Variants in LEF1 observed in about 807,000 individuals in gnomAD.
The protein encoded by LEF1 is lymphoid enhancer-binding factor 1.
A neutral mutation model predicts 51.2 loss-of-function variants in LEF1; 14 were observed. That is an observed-to-expected ratio of 0.27 (90% CI 0.18 to 0.43). The LOEUF (loss-of-function observed/expected upper bound fraction) is 0.43, where lower values mean the gene tolerates loss of function less well. Ranked by LOEUF, LEF1 falls within the 20% of genes least tolerant of loss-of-function variation. The pLI is 1.00. For synonymous variants in LEF1, 185 were observed against 183.2 expected, an observed-to-expected ratio of 1.01 and a Z score of -0.08; for missense variants, 386 against 512.0, an observed-to-expected ratio of 0.75 and a Z score of 2.37.
intron 3 of LEF1, among the ~76,000 whole-genome samples, chr4:108,138,104 G>T (rs1323957789): frequency 6.6e-6 from 1 of 152,186 alleles, no homozygotes; most frequent in African/African-American, 2.4e-5. Flanking sequence ...CAGAAATACA[G>T]GTTTAGATGA....
intron 9 of LEF1, chr4:108,070,324 T>G (rs1305050153): frequency 6.0e-6 from 1 of 167,010 alleles, no homozygotes; most frequent in Non-Finnish European, 1.3e-5. Flanking sequence ...ATAGAAAAAA[T>G]ATTAGAAAGT....
chr4:108,125,266 C>A (rs1177980393), intron 3 of LEF1, among the ~76,000 whole-genome samples: 1 of 152,156 alleles, frequency 6.6e-6, no homozygotes, highest in Non-Finnish European at 1.5e-5. Flanking sequence ...CAGGTTCAAG[C>A]AATTTTCCTG....
intron 1 of LEF1, chr4:108,166,527 G>A (rs1745404855): frequency 4.6e-6 from 6 of 1,310,646 alleles, no homozygotes; most frequent in Non-Finnish European, 5.8e-6. Context: ...CCAGTGGAGT[G>A]TCGGGTATCA....
chr4:108,114,613 T>C (rs979716436), intron 3 of LEF1, among the ~76,000 whole-genome samples: 2 of 152,108 alleles, frequency 1.3e-5, no homozygotes, highest in African/African-American at 4.8e-5. Context: ...GTGTGGTGCA[T>C]ATGAGCAGAC....
intron 3 of LEF1, among the ~76,000 whole-genome samples, chr4:108,161,478 A>C (rs1745050398): frequency 6.6e-6 from 1 of 152,212 alleles, no homozygotes; most frequent in Non-Finnish European, 1.5e-5. Context: ...AATCTTTCCT[A>C]AACAATGAAT....
intron 3 of LEF1, among the ~76,000 whole-genome samples, chr4:108,099,566 GTGTGTATATATATATATATATATA>G (rs1474595812): frequency 1.9e-4 from 14 of 72,872 alleles, no homozygotes; most frequent in Non-Finnish European, 2.3e-4. Context: ...ATGTGTGTGT[GTGTGTATATATATATATATATATA>G]TATATATATA....
intron 3 of LEF1, among the ~76,000 whole-genome samples, chr4:108,122,259 AGATC>A (rs1220257771): frequency 3.3e-5 from 5 of 152,138 alleles, no homozygotes; most frequent in African/African-American, 7.2e-5. Flanking sequence ...TTTCCTTTAT[AGATC>A]TTAAAGTTAC....
chr4:108,135,953 G>C (rs974785812), intron 3 of LEF1, among the ~76,000 whole-genome samples: 3 of 152,004 alleles, frequency 2.0e-5, no homozygotes, highest in African/African-American at 7.3e-5. Flanking sequence ...CTTCTTCCTT[G>C]CCCATACATG....
intron 3 of LEF1, among the ~76,000 whole-genome samples, chr4:108,128,776 A>G (rs1742696518): frequency 6.6e-6 from 1 of 152,218 alleles, no homozygotes; most frequent in Admixed American, 6.5e-5. Context: ...TATGGGCAGG[A>G]CTAGAAAAAA....
chr4:108,165,767 A>G (rs1035525762), intron 1 of LEF1, among the ~76,000 whole-genome samples: 1 of 152,200 alleles, frequency 6.6e-6, no homozygotes, highest in African/African-American at 2.4e-5. Flanking sequence ...GAGGAAAATT[A>G]GAGAGTCAGG....
chr4:108,167,558 G>A lies in LEF1; in HGVS notation c.210C>T (p.His70=). The part of the protein sequence containing the change: ...ESEIIPASNG[H]EVARQAQTSQ... ...ACTGGGGCAGCGGCCCGCTCACCTCGTGTCCGTTGCTGGCCGGGATGATTT... is the reference window on the plus strand; with the variant it reads ...ACTGGGGCAGCGGCCCGCTCACCTCATGTCCGTTGCTGGCCGGGATGATTT... Residue 70 remains histidine (H), a synonymous_variant, in exon 1 of 12, where the codon CAC becomes CAT. Coordinates refer to ENST00000265165, the MANE Select transcript of LEF1 (RefSeq NM_016269.5). This position sits in a 1 kb window ranked among gnomAD's most constrained non-coding sequence, Gnocchi z 5.7. The A allele has an allele frequency of 6.2e-7, 1 of 1,614,034 alleles. No individual in the cohort carries two copies. The highest frequency in any genetic ancestry group is 2.2e-5 in the East Asian group (1 of 44,868).
chr4:108,149,316 G>A (rs866208932), intron 3 of LEF1, among the ~76,000 whole-genome samples: 70 of 150,450 alleles, frequency 4.7e-4, no homozygotes, highest in African/African-American at 1.5e-3. Flanking sequence ...AAAATTAGCC[G>A]GGCGTGGTGG....
chr4:108,089,349 A>C, intron 3 of LEF1, 92 bp from the exon 4 acceptor site: 1 of 1,333,168 alleles, frequency 7.5e-7, no homozygotes. Context: ...AGCAGTAACC[A>C]GTCATCAACA....
chr4:108,167,732 C>CCCG lies in LEF1; in HGVS notation c.33_35dup (p.Gly13dup). The CCCG allele has an allele frequency of 6.2e-7, 1 of 1,613,550 alleles. No homozygotes were observed. The highest frequency in any genetic ancestry group is 8.5e-7 in the Non-Finnish European group (1 of 1,180,018). On this transcript the variant is annotated inframe_insertion, in exon 1 of 12. Transcript: ENST00000265165. This position sits in a 1 kb window ranked among gnomAD's most constrained non-coding sequence, Gnocchi z 5.7. ...CCGTGGCGCAGAGTTCCGGGTCCCC[C>CCCG]CCGCCGCCGCCACCTCCTCCGGAGA... is the stretch of plus-strand genomic sequence containing the variant.
rs1014502895 is a variant in LEF1 at position 108,167,098 on chromosome 4, T to C, written c.213+457A>G. 6.6e-6 allele frequency among the ~76,000 whole-genome samples: 1 copy of C among 152,300 alleles called. No homozygotes were observed. Among genetic ancestry groups the C allele is most frequent in the African/African-American group, 2.4e-5 (1 of 41,570 alleles). On this transcript the variant is annotated intron_variant, in intron 1 of 11. Transcript: ENST00000265165. The surrounding 1 kb of genome is among the most constrained non-coding windows in gnomAD (Gnocchi z 5.7). The stretch of plus-strand genomic sequence containing the variant: ...GCTCTGCTCGTCTCCACCTAAGCCT[T>C]TGGTGGTTTAACGCACTTTTGCAGA...
At chr4:108,092,939 A>AAAAAAAAAAAAC (rs1553952202) in intron 3 of LEF1, among the ~76,000 whole-genome samples, 35 of 90,698 alleles carry the variant, frequency 3.9e-4, no homozygotes, top group South Asian at 4.2e-4. Context: ...AAAAAAAAAA[A>AAAAAAAAAAAAC]AAAAAAAAAA....
rs985405216 is a variant in LEF1, at chr4:108,070,656, G to A, written c.1116+7C>T. On this transcript the variant is annotated splice_region_variant and intron_variant, in intron 9 of 11. Coordinates refer to ENST00000265165, the MANE Select transcript of LEF1 (RefSeq NM_016269.5). Reference sequence around the variant, plus strand: ...TGGAGAGCCACTGGTATGGAGGAGGGGCTTACATAATTGTCTCTTGCAGAC... The same window carrying A: ...TGGAGAGCCACTGGTATGGAGGAGGAGCTTACATAATTGTCTCTTGCAGAC... 1.9e-6 allele frequency: 3 copies of A among 1,586,306 alleles called. No homozygotes were observed. The highest frequency in any genetic ancestry group is 2.7e-5 in the African/African-American group (2 of 74,282).
In LEF1 at chr4:108,167,956, C is replaced by A; in HGVS notation, c.-189G>T. On this transcript the variant is annotated 5_prime_UTR_variant, in exon 1 of 12. Transcript: ENST00000265165. The surrounding 1 kb of genome is among the most constrained non-coding windows in gnomAD (Gnocchi z 5.7). ...CAGCCGGAGCAGCTGCCGCGGCGCC[C>A]GAATCCCGGCGGCCGCCGCGCTTTC... is the stretch of plus-strand genomic sequence containing the variant. The A allele has an allele frequency of 3.3e-6, 1 of 305,632 alleles. No homozygotes were observed. The highest frequency in any genetic ancestry group is 5.8e-5 in the East Asian group (1 of 17,150). The allele number at this position is 305,632 out of a possible 1,614,324, so 18.9% of individuals were successfully genotyped here. A position where few individuals can be genotyped will look rare whatever the true frequency, so the allele number is the denominator to read the frequency against.
chr4:108,125,462 C>T (rs368137324), intron 3 of LEF1, among the ~76,000 whole-genome samples: 30 of 152,022 alleles, frequency 2.0e-4, no homozygotes, highest in Non-Finnish European at 3.7e-4. Context: ...CATACCCGGC[C>T]GTATCAATAT....
Sources: gnomAD v4.1 joint callset for allele counts (sites outside exome capture counted in the v4.1 genomes callset) on GRCh38, gnomAD v4.1.1 for gene constraint, Gnocchi (gnomAD v3.1) non-coding constraint, MANE v1.5 for transcripts, NCBI Gene and HGNC (gene_info 2026-07-23, HGNC 2026-07-21) for gene names.